Variants in TBC1D16 observed in about 807,000 individuals in gnomAD.
TBC1D16 encodes the protein TBC1 domain family member 16.
A neutral mutation model predicts 74.7 loss-of-function variants in TBC1D16; 58 were observed. The ratio of observed to expected loss-of-function variants is 0.78; its 90% CI spans 0.63 to 0.97. The LOEUF (loss-of-function observed/expected upper bound fraction) is 0.97, where lower values mean the gene tolerates loss of function less well. Among genes scored for constraint, TBC1D16 ranks in the 50% least tolerant of loss-of-function variants. The pLI is 0.00. For synonymous variants in TBC1D16, 493 were observed against 474.7 expected, an observed-to-expected ratio of 1.04 and a Z score of -0.50; for missense variants, 1,014 against 1,079.5, an observed-to-expected ratio of 0.94 and a Z score of 0.85.
At chr17:79,959,054 G>A (rs1294719448) in intron 3 of TBC1D16, among the ~76,000 whole-genome samples, 2 of 152,116 alleles carry the variant, frequency 1.3e-5, no homozygotes, top group African/African-American at 4.8e-5. Context: ...AAAACTGCAG[G>A]ATAAAAGGTT....
intron 3 of TBC1D16, among the ~76,000 whole-genome samples, chr17:80,003,368 C>G (rs2035562017): frequency 6.6e-6 from 1 of 152,212 alleles, no homozygotes; most frequent in Non-Finnish European, 1.5e-5. Context: ...CAAGAGGACC[C>G]AGGGAGAGAG....
chr17:80,005,615 G>A (rs962915712), intron 3 of TBC1D16, among the ~76,000 whole-genome samples: 3 of 152,198 alleles, frequency 2.0e-5, no homozygotes, highest in African/African-American at 7.2e-5. Context: ...ACGCATTGGC[G>A]ACAGCAGCTC....
chr17:79,977,754 A>C (rs1242187270), intron 3 of TBC1D16, among the ~76,000 whole-genome samples: 5 of 152,264 alleles, frequency 3.3e-5, no homozygotes, highest in African/African-American at 1.2e-4. Context: ...TACTGGACTC[A>C]TCCAGCCGAG....
chr17:80,023,237 A>G (rs1234905486), intron 1 of TBC1D16, among the ~76,000 whole-genome samples: 1 of 150,086 alleles, frequency 6.7e-6, no homozygotes, highest in Non-Finnish European at 1.5e-5. Flanking sequence ...ACGTTTTCAG[A>G]AATTCACCAG....
At chr17:80,028,943 T>C (rs573411389) in intron 1 of TBC1D16, among the ~76,000 whole-genome samples, 3 of 152,250 alleles carry the variant, frequency 2.0e-5, no homozygotes, top group African/African-American at 4.8e-5. Flanking sequence ...CTCAAAGCCA[T>C]TGGTGACCAG....
At chr17:79,948,569 G>A (rs1201013394) in intron 8 of TBC1D16, among the ~76,000 whole-genome samples, 1 of 152,196 alleles carries the variant, frequency 6.6e-6, no homozygotes, top group Non-Finnish European at 1.5e-5. Context: ...GGGAGATGGA[G>A]GGGGTGCATG....
At chr17:80,028,882 G>A (rs2036679886) in intron 1 of TBC1D16, among the ~76,000 whole-genome samples, 1 of 152,070 alleles carries the variant, frequency 6.6e-6, no homozygotes, top group East Asian at 1.9e-4. Context: ...AAAGCGCCGG[G>A]ATTACACGCG....
rs1200685307 is a variant in TBC1D16, at chr17:79,944,112, G to A, written c.1908+796C>T. The stretch of plus-strand genomic sequence containing the variant: ...CTTTCATCAGACATCAGCCCCCTGC[G>A]GTGTGAGTGAGGACAGGAGACGCTG... On this transcript the variant is annotated intron_variant, in intron 10 of 11. Transcript: ENST00000310924. The surrounding 1 kb of genome is among the most constrained non-coding windows in gnomAD (Gnocchi z 7.7). 11 of 1,535,922 alleles carry A rather than the reference G, an allele frequency of 7.2e-6. No homozygotes were observed. The highest frequency in any genetic ancestry group is 4.8e-5 in the South Asian group (4 of 84,062).
intron 3 of TBC1D16, among the ~76,000 whole-genome samples, chr17:80,004,552 A>C (rs529016035): frequency 9.0e-4 from 137 of 152,338 alleles, no homozygotes; most frequent in African/African-American, 3.2e-3. Context: ...GATCCAACAG[A>C]GGGACCTTAG....
In TBC1D16 at chr17:79,970,648, C is replaced by G. The variant is rs528957829; in HGVS notation, c.780-17830G>C. Among the ~76,000 whole-genome samples, 6 of 152,156 alleles carry G rather than the reference C, an allele frequency of 3.9e-5. No individual in the cohort carries two copies. In the South Asian group the frequency reaches 1.2e-3, roughly 32 times the overall value. ...GTCAGGCAGCAAACGGTAAACGGGTCATGGGGTGCTCTAAGGGAATGAGCA... is the reference window on the plus strand; with the variant it reads ...GTCAGGCAGCAAACGGTAAACGGGTGATGGGGTGCTCTAAGGGAATGAGCA... On this transcript the variant is annotated intron_variant, in intron 3 of 11. Coordinates refer to ENST00000310924, the MANE Select transcript of TBC1D16 (RefSeq NM_019020.4).
intron 3 of TBC1D16, among the ~76,000 whole-genome samples, chr17:80,004,398 A>G (rs2035599317): frequency 6.6e-6 from 1 of 152,166 alleles, no homozygotes; most frequent in Non-Finnish European, 1.5e-5. Context: ...TCAATACCAC[A>G]TCTTCTCCTA....
chr17:80,034,287 G>A (rs2036874716), intron 1 of TBC1D16, among the ~76,000 whole-genome samples: 1 of 139,010 alleles, frequency 7.2e-6, no homozygotes, highest in African/African-American at 2.7e-5. Flanking sequence ...TGCAACCTTC[G>A]CCTCCCGAGC....
In TBC1D16 at chr17:79,954,528, T is replaced by C. The variant is rs1568585777; in HGVS notation, c.780-1710A>G. 2.0e-5 allele frequency among the ~76,000 whole-genome samples: 3 copies of C among 152,264 alleles called. No individual in the cohort carries two copies. In the East Asian group the frequency reaches 5.8e-4, roughly 29 times the overall value. On this transcript the variant is annotated intron_variant, in intron 3 of 11. Transcript: ENST00000310924. This position sits in a 1 kb window ranked among gnomAD's most constrained non-coding sequence, Gnocchi z 5.5. ...GATCAGAGATGGGCATGTGGGGCCA[T>C]CACCTGAACTGCCGTGGCTGCGCCG...
At chr17:79,989,809 C>T (rs1415683341) in intron 3 of TBC1D16, among the ~76,000 whole-genome samples, 1 of 152,136 alleles carries the variant, frequency 6.6e-6, no homozygotes, top group African/African-American at 2.4e-5. Flanking sequence ...TGACTGGGGT[C>T]AAGGGGTGCG....
At position 80,007,695 on chromosome 17, in the gene TBC1D16, G is replaced by A. The variant is rs2035730077; in HGVS notation, c.779+2465C>T. Among the ~76,000 whole-genome samples, 1 of 152,222 alleles carries A rather than the reference G, an allele frequency of 6.6e-6. No homozygotes were observed. Among genetic ancestry groups the A allele is most frequent in the African/African-American group, 2.4e-5 (1 of 41,464 alleles). On this transcript the variant is annotated intron_variant, in intron 3 of 11. Coordinates refer to ENST00000310924, the MANE Select transcript of TBC1D16 (RefSeq NM_019020.4). The surrounding 1 kb of genome is among the most constrained non-coding windows in gnomAD (Gnocchi z 4.5). Reference sequence around the variant, plus strand: ...TCAAACATATAAGCTGGCCGGTTAGGAGAGAGGGGAAGGAGGAAGCCTAGG... The same window carrying A: ...TCAAACATATAAGCTGGCCGGTTAGAAGAGAGGGGAAGGAGGAAGCCTAGG...
intron 2 of TBC1D16, among the ~76,000 whole-genome samples, chr17:80,012,293 C>G (rs1387329148): frequency 6.6e-6 from 1 of 152,152 alleles, no homozygotes; most frequent in Non-Finnish European, 1.5e-5. Context: ...CCTGGTCTCT[C>G]TCTCTAGAAC....
At chr17:80,024,429 T>TACCACACACCACAAC (rs2036424845) in intron 1 of TBC1D16, among the ~76,000 whole-genome samples, 10 of 110,688 alleles carry the variant, frequency 9.0e-5, no homozygotes, top group South Asian at 2.6e-4. Flanking sequence ...ACACACACAC[T>TACCACACACCACAAC]ACACATCATA....
At position 80,034,225 on chromosome 17, in the gene TBC1D16, A is replaced by G. The variant is rs201424049; in HGVS notation, c.-63+1570T>C. On this transcript the variant is annotated intron_variant, in intron 1 of 11. Coordinates refer to ENST00000310924, the MANE Select transcript of TBC1D16 (RefSeq NM_019020.4). ...CTTTTTTTTTTTTTTTTTGAGACATAGAATGTTGCTCTATCACCCGGGCTG... is the reference window on the plus strand; with the variant it reads ...CTTTTTTTTTTTTTTTTTGAGACATGGAATGTTGCTCTATCACCCGGGCTG... Among the ~76,000 whole-genome samples the G allele has an allele frequency of 7.4e-4, 2 of 2,704 alleles. 1 individual carries two copies. The highest frequency in any genetic ancestry group is 2.3e-3 in the Non-Finnish European group (2 of 876). 1.8% of individuals were successfully genotyped at this position (2,704 alleles called of 152,430 possible). A position where few individuals can be genotyped will look rare whatever the true frequency, so the allele number is the denominator to read the frequency against.
At position 79,940,975 on chromosome 17, in the gene TBC1D16, G is replaced by A. The variant is rs745387939; in HGVS notation, c.2188C>T (p.Pro730Ser). The A allele has an allele frequency of 1.9e-6, 3 of 1,606,988 alleles. No individual in the cohort carries two copies. The highest frequency in any genetic ancestry group is 2.5e-6 in the Non-Finnish European group (3 of 1,177,482). Residue 730 changes from proline (P) to serine (S), a missense_variant, in exon 12 of 12, where the codon CCC becomes TCC. Physicochemically the swap from Pro to Ser is moderately conservative, Grantham distance 74. Coordinates refer to ENST00000310924, the MANE Select transcript of TBC1D16 (RefSeq NM_019020.4). This position sits in a 1 kb window ranked among gnomAD's most constrained non-coding sequence, Gnocchi z 5.4. The stretch of plus-strand genomic sequence containing the variant: ...CCGTAGGGACAGCTCTCCGAGCCGG[G>A]ATGGTGGCCGGTGCACTCCACCGCG... The part of the protein sequence containing the change: ...MPAVECTGHH[P>S]GSESCPYGGT...
Sources: allele counts gnomAD v4.1 joint callset (sites outside exome capture counted in the v4.1 genomes callset), GRCh38; gene constraint gnomAD v4.1.1; non-coding constraint Gnocchi (gnomAD v3.1); transcripts MANE v1.5; gene names NCBI Gene and HGNC (gene_info 2026-07-23, HGNC 2026-07-21).